EDA2R: variants seen among roughly 807,000 people sequenced by gnomAD.
The protein encoded by EDA2R is tumor necrosis factor receptor superfamily member 27.
EDA2R carries 26 observed loss-of-function variants against 20.1 expected under a neutral mutation model. That is an observed-to-expected ratio of 1.30 (90% CI 0.95 to 1.80). The LOEUF (loss-of-function observed/expected upper bound fraction) is 1.80. Among genes scored for constraint, EDA2R ranks in the 40% most tolerant of loss-of-function variants. EDA2R has a pLI of 0.00. For missense variants in EDA2R, 277 were observed against 228.7 expected (o/e 1.21, Z -1.36); for synonymous variants, 114 against 88.7 (o/e 1.29, Z -1.60).
At chrX:66,634,140 G>T (rs1602339385) in intron 1 of EDA2R, among the ~76,000 whole-genome samples, 1 of 112,005 alleles carries the variant, frequency 8.9e-6, no homozygotes. Context: ...CTTAACAAAG[G>T]ACTGGAAGAA....
intron 2 of EDA2R, among the ~76,000 whole-genome samples, chrX:66,606,719 G>C (rs191495173): frequency 2.8e-4 from 31 of 112,400 alleles, no homozygotes; most frequent in Non-Finnish European, 5.1e-4. Context: ...AGCAGTGGCA[G>C]TCCTAAAGTA....
intron 1 of EDA2R, among the ~76,000 whole-genome samples, chrX:66,617,820 C>G (rs1931964424): frequency 9.2e-6 from 1 of 108,884 alleles, no homozygotes; most frequent in South Asian, 4.0e-4. Flanking sequence ...TTTCTCTCCC[C>G]TCTTTTTTCC....
intron 1 of EDA2R, among the ~76,000 whole-genome samples, chrX:66,621,087 G>A (rs1177820550): frequency 9.0e-6 from 1 of 110,625 alleles, no homozygotes; most frequent in Non-Finnish European, 1.9e-5. Context: ...GACTAGCCTG[G>A]CCAATATGGT....
At chrX:66,599,424 AT>A in intron 6 of EDA2R, 49 bp downstream of exon 6, 1 of 1,061,588 alleles carries the variant, frequency 9.4e-7, no homozygotes, top group South Asian at 2.5e-5. Flanking sequence ...TTAGTCCTTA[AT>A]TTCTGTTTTG....
Position 66,598,576 on chromosome X carries a change from G to A in EDA2R, c.*11-483C>T, listed in dbSNP as rs1320415831. Among the ~76,000 whole-genome samples the A allele has an allele frequency of 2.7e-5, 3 of 112,008 alleles. No individual in the cohort carries two copies. In the East Asian group the frequency reaches 8.4e-4, roughly 31 times the overall value. On this transcript the variant is annotated intron_variant, in intron 6 of 6. Transcript: ENST00000374719. The stretch of plus-strand genomic sequence containing the variant: ...AAGGACTACACAAACTCTTAGTGGG[G>A]ATATTATAAAATGGACCCAAACCTT...
rs763074961 is a variant in EDA2R at position 66,599,480 on chromosome X, A to G, written c.*4T>C. 2.6e-6 allele frequency: 3 copies of G among 1,140,115 alleles called. No individual in the cohort carries two copies. The East Asian group carries it at 9.5e-5, about 36-fold the overall frequency. 94.0% of individuals were successfully genotyped at this position (1,140,115 alleles called of 1,213,427 possible). ...ATCCACCTTTCCAGCTCACCTCATT[A>G]GAGTTAAGGGCTGGGAACTTCAAAG... On this transcript the variant is annotated 3_prime_UTR_variant, in exon 6 of 7. Coordinates refer to ENST00000374719, the MANE Select transcript of EDA2R (RefSeq NM_021783.5).
intron 2 of EDA2R, among the ~76,000 whole-genome samples, chrX:66,614,483 T>A (rs1931325755): frequency 8.9e-6 from 1 of 112,271 alleles, no homozygotes; most frequent in African/African-American, 3.2e-5. Flanking sequence ...TGCCCATGTG[T>A]ATCTGGCTCT....
intron 1 of EDA2R, among the ~76,000 whole-genome samples, chrX:66,624,565 A>G (rs1174763138): frequency 1.8e-5 from 2 of 111,900 alleles, no homozygotes; most frequent in African/African-American, 6.5e-5. Context: ...TCACATGATG[A>G]GGAAGGAACA....
chrX:66,634,008 C>CT (rs937266551), intron 1 of EDA2R, among the ~76,000 whole-genome samples: 10 of 110,293 alleles, frequency 9.1e-5, no homozygotes, highest in South Asian at 3.9e-4. Context: ...AGAACAGTCT[C>CT]TTTTTTTTTC....
rs1931620070 is a variant in EDA2R at position 66,615,989 on chromosome X, T to C, written c.32A>G (p.Gln11Arg). The stretch of plus-strand genomic sequence containing the variant: ...TTGGCAGGTGACACACCGTCCCCAT[T>C]GGTCCCAGTACTCATTTTCTTGGCA... MDCQENEYWD[Q>R]WGRCVTCQRC... The change falls in exon 2 of 7, where the codon CAA (glutamine) becomes CGA (arginine). Residue 11 changes from glutamine (Q) to arginine (R), a missense_variant. Gln to Arg is a conservative substitution (Grantham distance 43). Transcript: ENST00000374719. 1 of 1,208,617 alleles carries C rather than the reference T, an allele frequency of 8.3e-7. No individual in the cohort carries two copies. Among genetic ancestry groups the C allele is most frequent in the African/African-American group, 1.8e-5 (1 of 57,130 alleles).
At chrX:66,610,505 A>T (rs1930554983) in intron 2 of EDA2R, among the ~76,000 whole-genome samples, 1 of 111,858 alleles carries the variant, frequency 8.9e-6, no homozygotes, top group African/African-American at 3.3e-5. Context: ...TAGAGAAGGG[A>T]ATGACAAAAG....
chrX:66,609,115 G>A (rs1341315944), intron 2 of EDA2R, among the ~76,000 whole-genome samples: 1 of 111,508 alleles, frequency 9.0e-6, no homozygotes, highest in Non-Finnish European at 1.9e-5. Flanking sequence ...ATTTTAATAA[G>A]GCTGCTTAAA....
chrX:66,620,965 CAAAA>C (rs376190384), intron 1 of EDA2R, among the ~76,000 whole-genome samples: 1 of 55,305 alleles, frequency 1.8e-5, no homozygotes, highest in South Asian at 1.5e-3. Flanking sequence ...TATCCACTAC[CAAAA>C]AAAAAAAAAA....
intron 6 of EDA2R, among the ~76,000 whole-genome samples, chrX:66,598,985 G>C (rs2147511688): frequency 8.9e-6 from 1 of 111,895 alleles, no homozygotes; most frequent in South Asian, 3.7e-4. Flanking sequence ...CTGTGACTTT[G>C]AGAAACTAAC....
At chrX:66,623,449 C>T (rs1228967288) in intron 1 of EDA2R, among the ~76,000 whole-genome samples, 2 of 111,432 alleles carry the variant, frequency 1.8e-5, no homozygotes, top group East Asian at 5.6e-4. Flanking sequence ...CACATAAGTC[C>T]TACACAGTTT....
chrX:66,609,773 A>T (rs1265576698), intron 2 of EDA2R, among the ~76,000 whole-genome samples: 1 of 112,052 alleles, frequency 8.9e-6, no homozygotes, highest in Non-Finnish European at 1.9e-5. Flanking sequence ...AAATGAACAA[A>T]AGGAATATCC....
chrX:66,598,144 A>C (rs1438228794), intron 6 of EDA2R, 51 bp from the exon 7 acceptor site: 1 of 573,082 alleles, frequency 1.7e-6, no homozygotes. Context: ...TCTCACTAGC[A>C]CCCTTCTTTC....
Position 66,605,226 on chromosome X carries a change from C to A in EDA2R, c.88G>T (p.Asp30Tyr). 8.3e-7 allele frequency: 1 copy of A among 1,200,607 alleles called. No homozygotes were observed. The highest frequency in any genetic ancestry group is 1.1e-6 in the Non-Finnish European group (1 of 890,360). Residue 30 changes from aspartate to tyrosine, a missense_variant and splice_region_variant, in exon 3 of 7, where the codon GAT becomes TAT. Coordinates refer to ENST00000374719, the MANE Select transcript of EDA2R (RefSeq NM_021783.5). Reference sequence around the variant, plus strand: ...TCTCCACCCTCTCCATAACCACAATCCTGTAGACAGATGGGGGTTGTTAAT... The same window carrying A: ...TCTCCACCCTCTCCATAACCACAATACTGTAGACAGATGGGGGTTGTTAAT... ...RCGPGQELSK[D>Y]CGYGEGGDAY...
chrX:66,615,880 C>T lies in EDA2R; in HGVS notation c.87+54G>A, dbSNP rs927810382. On this transcript the variant is annotated intron_variant, in intron 2 of 6. Transcript: ENST00000374719. ...CCTAATCTTGGCCTCTTTCAGTTGCCGGGCTGGTTCCTAAGATGCAACAGA... is the reference window on the plus strand; with the variant it reads ...CCTAATCTTGGCCTCTTTCAGTTGCTGGGCTGGTTCCTAAGATGCAACAGA... The T allele has an allele frequency of 1.4e-5, 15 of 1,037,196 alleles. 1 individual carries two copies. The highest frequency in any genetic ancestry group is 7.4e-5 in the African/African-American group (4 of 53,809). The allele number at this position is 1,037,196 out of a possible 1,213,427, so 85.5% of individuals were successfully genotyped here. A position where few individuals can be genotyped will look rare whatever the true frequency, so the allele number is the denominator to read the frequency against.
Sources: gnomAD v4.1 joint callset for allele counts (sites outside exome capture counted in the v4.1 genomes callset) on GRCh38, gnomAD v4.1.1 for gene constraint, MANE v1.5 for transcripts, NCBI Gene and HGNC (gene_info 2026-07-23, HGNC 2026-07-21) for gene names.